PCDH15: variants seen among roughly 807,000 people sequenced by gnomAD.
PCDH15 encodes the protein protocadherin-15.
PCDH15 carries 129 observed loss-of-function variants against 178.5 expected under a neutral mutation model. The observed-to-expected ratio is 0.72, with a 90% CI of 0.63 to 0.84. The LOEUF is 0.84. PCDH15 is among the 40% of genes least tolerant of loss of function. PCDH15 has a pLI of 0.00. For missense variants in PCDH15, 2,230 were observed against 2,099.9 expected (o/e 1.06, Z -1.21); for synonymous variants, 800 against 732.0 (o/e 1.09, Z -1.50).
At chr10:55,587,334 G>A (rs1293962674) in intron 2 of PCDH15, among the ~76,000 whole-genome samples, 1 of 151,950 alleles carries the variant, frequency 6.6e-6, no homozygotes, top group Non-Finnish European at 1.5e-5. Flanking sequence ...CATTAATGTT[G>A]ACAATATTCA....
At chr10:53,816,415 G>T (rs2076060810) in intron 34 of PCDH15, 138 bp from the exon 35 acceptor site, 2 of 392,298 alleles carry the variant, frequency 5.1e-6, no homozygotes, top group Non-Finnish European at 9.0e-6. Context: ...TCATGTGTTA[G>T]CTACCAAAAG....
chr10:55,249,985 T>C (rs1841791901), intron 1 of PCDH15, among the ~76,000 whole-genome samples: 1 of 152,098 alleles, frequency 6.6e-6, no homozygotes. Flanking sequence ...TTTTTATTAA[T>C]TAACCCCAGT....
At position 54,593,212 on chromosome 10, in the gene PCDH15, G is replaced by A. The variant is rs114286418; in HGVS notation, c.92-65335C>T. ...TTCTATACTTTTGTTTTTGTTGCCT[G>A]TGCTTTTGCTCTCATATCCAAAAAA... On this transcript the variant is annotated intron_variant, in intron 2 of 37. Transcript: ENST00000644397. Among the ~76,000 whole-genome samples, 734 of 152,152 alleles carry A rather than the reference G, an allele frequency of 4.8e-3. 3 individuals carry two copies. Among genetic ancestry groups the A allele is most frequent in the African/African-American group, 0.017 (701 of 41,522 alleles).
intron 23 of PCDH15, among the ~76,000 whole-genome samples, chr10:53,955,597 A>C (rs1220887184): frequency 6.6e-6 from 1 of 152,182 alleles, no homozygotes; most frequent in African/African-American, 2.4e-5. Flanking sequence ...TGTGTACCTC[A>C]GCTTACAGTG....
chr10:54,247,881 A>AAAAATATATAT (rs1260841226), intron 8 of PCDH15, among the ~76,000 whole-genome samples: 4 of 148,492 alleles, frequency 2.7e-5, no homozygotes, highest in Admixed American at 6.8e-5. Flanking sequence ...AAAAAAAAGA[A>AAAAATATATAT]ATATGTATAT....
intron 13 of PCDH15, among the ~76,000 whole-genome samples, chr10:54,159,140 T>C (rs2045461770): frequency 6.6e-6 from 1 of 151,960 alleles, no homozygotes; most frequent in Non-Finnish European, 1.5e-5. Context: ...TATGGCTTAA[T>C]TGATAATGCA....
chr10:54,444,982 C>A (rs575958587), intron 3 of PCDH15, among the ~76,000 whole-genome samples: 2 of 151,440 alleles, frequency 1.3e-5, no homozygotes, highest in East Asian at 2.0e-4. Flanking sequence ...AGATAAATTT[C>A]TTTCTCCTAA....
chr10:55,315,231 A>G (rs1299865701), intron 1 of PCDH15, among the ~76,000 whole-genome samples: 2 of 152,212 alleles, frequency 1.3e-5, no homozygotes, highest in Admixed American at 6.5e-5. Flanking sequence ...ACAGTTAAGA[A>G]TTGGTATTTT....
At chr10:53,871,761 TTTTG>T (rs1293965108) in intron 26 of PCDH15, among the ~76,000 whole-genome samples, 1 of 150,434 alleles carries the variant, frequency 6.6e-6, no homozygotes, top group Non-Finnish European at 1.5e-5. Flanking sequence ...TTTTGTTTTG[TTTTG>T]TTTTTGAGAT....
chr10:54,011,562 G>T (rs1010874859), intron 20 of PCDH15, among the ~76,000 whole-genome samples: 1 of 152,196 alleles, frequency 6.6e-6, no homozygotes, highest in Non-Finnish European at 1.5e-5. Context: ...GACACTTTCA[G>T]ATCACTGAGA....
chr10:55,075,459 G>A (rs1841864869), intron 2 of PCDH15, among the ~76,000 whole-genome samples: 1 of 149,126 alleles, frequency 6.7e-6, no homozygotes. Context: ...TCTGCCTCCC[G>A]GGTTCAAGCG....
intron 3 of PCDH15, among the ~76,000 whole-genome samples, chr10:54,472,494 GT>G (rs973116000): frequency 2.6e-5 from 4 of 151,904 alleles, no homozygotes; most frequent in Non-Finnish European, 5.9e-5. Context: ...CTGTATGTGT[GT>G]TTTTTTCAAA....
chr10:53,941,409 C>A (rs984800805), intron 23 of PCDH15, among the ~76,000 whole-genome samples: 2 of 152,092 alleles, frequency 1.3e-5, no homozygotes, highest in Admixed American at 6.6e-5. Flanking sequence ...TGTTGTATAG[C>A]TGGAATCACA....
At position 55,238,385 on chromosome 10, in the gene PCDH15, C is replaced by T. The variant is rs952324046; in HGVS notation, c.-155-71734G>A. On this transcript the variant is annotated intron_variant, in intron 1 of 5. Transcript: ENST00000458638. ...CAGGATGGTCTCGATCTCCTGACCT[C>T]GTGATCCGCCCACCTCGGCCTCCCA... is the stretch of plus-strand genomic sequence containing the variant. Among the ~76,000 whole-genome samples, 41 of 151,932 alleles carry T rather than the reference C, an allele frequency of 2.7e-4. 1 individual carries two copies. The highest frequency in any genetic ancestry group is 1.2e-4 in the Non-Finnish European group (8 of 67,980).
At chr10:53,812,150 C>T (rs965886180) in intron 35 of PCDH15, among the ~76,000 whole-genome samples, 2 of 151,988 alleles carry the variant, frequency 1.3e-5, no homozygotes, top group Non-Finnish European at 2.9e-5. Context: ...GTAATGCTTC[C>T]CAAGGATGTT....
At chr10:53,988,139 C>T (rs540699530) in intron 21 of PCDH15, among the ~76,000 whole-genome samples, 6 of 152,228 alleles carry the variant, frequency 3.9e-5, no homozygotes, top group Admixed American at 1.3e-4. Context: ...AAAGCAGCTG[C>T]GGCAACTCAA....
At chr10:54,789,066 T>C (rs1037707186) in intron 1 of PCDH15, among the ~76,000 whole-genome samples, 2 of 151,918 alleles carry the variant, frequency 1.3e-5, no homozygotes, top group Admixed American at 6.6e-5. Context: ...GCTGATTTTT[T>C]TTCTATGAGA....
At chr10:53,973,043 A>G (rs987174003) in intron 21 of PCDH15, among the ~76,000 whole-genome samples, 2 of 152,134 alleles carry the variant, frequency 1.3e-5, no homozygotes, top group African/African-American at 4.8e-5. Flanking sequence ...AACAAACCCA[A>G]ATGTCCATCA....
chr10:54,240,286 G>A (rs1328100995), intron 8 of PCDH15, among the ~76,000 whole-genome samples: 2 of 147,832 alleles, frequency 1.4e-5, no homozygotes, highest in African/African-American at 2.5e-5. Context: ...TTAACAACAG[G>A]GTAAATCCAA....
Sources: gnomAD v4.1 joint callset for allele counts (sites outside exome capture counted in the v4.1 genomes callset) on GRCh38, gnomAD v4.1.1 for gene constraint, MANE v1.5 for transcripts, NCBI Gene and HGNC (gene_info 2026-07-23, HGNC 2026-07-21) for gene names.